ZNF365: variants seen among roughly 807,000 people sequenced by gnomAD.
ZNF365 encodes the protein zinc finger protein 365, also known as protein ZNF365.
A neutral mutation model predicts 35.0 loss-of-function variants in ZNF365; 22 were observed. The ratio of observed to expected loss-of-function variants is 0.63; its 90% CI spans 0.45 to 0.90. The LOEUF (loss-of-function observed/expected upper bound fraction) is 0.90. ZNF365 is among the 40% of genes least tolerant of loss of function. The pLI, the probability that ZNF365 is intolerant of heterozygous loss-of-function variation, is 0.00. For missense variants in ZNF365, 448 were observed against 500.3 expected, an observed-to-expected ratio of 0.90 and a Z score of 1.00; for synonymous variants, 188 against 196.2, an observed-to-expected ratio of 0.96 and a Z score of 0.35.
downstream of ZNF365, among the ~76,000 whole-genome samples, chr10:62,403,485 C>T (rs542309664): frequency 1.3e-5 from 2 of 152,078 alleles, no homozygotes; most frequent in African/African-American, 2.4e-5. Context: ...GGTGAAACCC[C>T]GTCTCTACTA....
chr10:62,456,368 C>T (rs1224528370), intron 3 of ZNF365, among the ~76,000 whole-genome samples: 2 of 152,124 alleles, frequency 1.3e-5, no homozygotes, highest in Admixed American at 6.5e-5. Flanking sequence ...TCTTGATTTA[C>T]TGAATTGAAC....
At chr10:62,386,364 T>G (rs1380227084) in intron 2 of ZNF365, among the ~76,000 whole-genome samples, 2 of 152,230 alleles carry the variant, frequency 1.3e-5, no homozygotes, top group Non-Finnish European at 2.9e-5. Context: ...AAAAAAATTC[T>G]TTTCCAGAAG....
Position 62,400,029 on chromosome 10 carries a change from T to C in ZNF365, c.*240T>C. ...TTACAGAAAGAATAAAAAAATTAAA[T>C]CAATCTTAAAGCTCTAACTTCTAAA... On this transcript the variant is annotated 3_prime_UTR_variant, in exon 5 of 5. Coordinates refer to ENST00000395254, the MANE Select transcript of ZNF365 (RefSeq NM_014951.3). 7.7e-7 allele frequency: 1 copy of C among 1,292,490 alleles called. No individual in the cohort carries two copies. The highest frequency in any genetic ancestry group is 9.8e-7 in the Non-Finnish European group (1 of 1,020,764). The allele number at this position is 1,292,490 out of a possible 1,614,324, so 80.1% of individuals were successfully genotyped here.
In ZNF365 at chr10:62,433,794, A is replaced by G. The variant is rs867199790; in HGVS notation, c.925-25947A>G. On this transcript the variant is annotated intron_variant, in intron 3 of 4. Coordinates refer to the ZNF365 transcript ENST00000395255. ...AAGGAAATATTGAAATAAGTCAGCT[A>G]ACATTTTCATTTGGAAATACAGAGG... Among the ~76,000 whole-genome samples the G allele has an allele frequency of 3.3e-5, 5 of 152,216 alleles. No homozygotes were observed. In the South Asian group the frequency reaches 1.0e-3, roughly 31 times the overall value.
At chr10:62,441,097 T>C (rs1383565072) in intron 3 of ZNF365, among the ~76,000 whole-genome samples, 1 of 152,212 alleles carries the variant, frequency 6.6e-6, no homozygotes, top group African/African-American at 2.4e-5. Context: ...ATTGTTTGGT[T>C]GAATCCCCAT....
chr10:62,458,533 T>G (rs1279645311), intron 3 of ZNF365, among the ~76,000 whole-genome samples: 3 of 152,194 alleles, frequency 2.0e-5, no homozygotes, highest in Non-Finnish European at 4.4e-5. Context: ...TATAAATGTG[T>G]GTGTATGTGG....
At chr10:62,389,979 C>G (rs919836847) in intron 3 of ZNF365, among the ~76,000 whole-genome samples, 1 of 152,094 alleles carries the variant, frequency 6.6e-6, no homozygotes, top group African/African-American at 2.4e-5. Context: ...AAACCATGAG[C>G]GTGTCCAGCC....
At chr10:62,427,307 G>T (rs1450354151) in intron 3 of ZNF365, among the ~76,000 whole-genome samples, 1 of 152,110 alleles carries the variant, frequency 6.6e-6, no homozygotes, top group Admixed American at 6.6e-5. Flanking sequence ...AGTATGTTTA[G>T]ATACACAAAT....
chr10:62,449,785 A>G (rs991722543), intron 3 of ZNF365, among the ~76,000 whole-genome samples: 3 of 149,328 alleles, frequency 2.0e-5, no homozygotes, highest in African/African-American at 4.9e-5. Context: ...CAGTTGGTCA[A>G]CTTTTTTGCA....
At chr10:62,403,196 C>T (rs1839856512), downstream of ZNF365, among the ~76,000 whole-genome samples, 1 of 151,994 alleles carries the variant, frequency 6.6e-6, no homozygotes, top group African/African-American at 2.4e-5. Flanking sequence ...GAGAAAAGGA[C>T]ATGTTAGTAA....
intron 3 of ZNF365, among the ~76,000 whole-genome samples, chr10:62,428,496 A>G (rs1470300245): frequency 6.6e-6 from 1 of 152,080 alleles, no homozygotes; most frequent in East Asian, 1.9e-4. Flanking sequence ...GTGAAGAAGG[A>G]TGTGTTTGCT....
intron 3 of ZNF365, among the ~76,000 whole-genome samples, chr10:62,439,564 C>A (rs897130150): frequency 2.0e-5 from 3 of 152,102 alleles, no homozygotes; most frequent in African/African-American, 7.2e-5. Context: ...TATGTGCAAG[C>A]CCTCTAATAG....
In ZNF365 at chr10:62,468,558, G is replaced by A. The variant is rs185551999; in HGVS notation, c.981+8761G>A. The stretch of plus-strand genomic sequence containing the variant: ...AAACATCAAATTTAGGGTGAAGCTG[G>A]GGTTGAAGAATGGTGAAATCACTGA... On this transcript the variant is annotated intron_variant, in intron 4 of 4. Transcript: ENST00000395255. Among the ~76,000 whole-genome samples, 4 of 152,236 alleles carry A rather than the reference G, an allele frequency of 2.6e-5. No individual in the cohort carries two copies. The East Asian group carries it at 5.8e-4, about 22-fold the overall frequency.
chr10:62,389,962 C>T (rs964380128), intron 3 of ZNF365, among the ~76,000 whole-genome samples: 1 of 152,104 alleles, frequency 6.6e-6, no homozygotes, highest in Non-Finnish European at 1.5e-5. Flanking sequence ...TCCATCTCCT[C>T]CTTGGGAAAC....
At chr10:62,421,434 C>T (rs1221807555) in intron 3 of ZNF365, among the ~76,000 whole-genome samples, 2 of 152,138 alleles carry the variant, frequency 1.3e-5, no homozygotes, top group African/African-American at 2.4e-5. Context: ...TTCCTCAGGA[C>T]CATGAATCCT....
chr10:62,425,882 C>G (rs987168920), intron 3 of ZNF365, among the ~76,000 whole-genome samples: 5 of 152,078 alleles, frequency 3.3e-5, no homozygotes, highest in Non-Finnish European at 5.9e-5. Flanking sequence ...AGACCCATAC[C>G]TGGCATATAG....
Position 62,376,280 on chromosome 10 carries a change from G to A in ZNF365, c.87G>A (p.Pro29=), listed in dbSNP as rs1158105982. 1.3e-5 allele frequency: 21 copies of A among 1,614,014 alleles called. No homozygotes were observed. The highest frequency in any genetic ancestry group is 1.7e-5 in the Admixed American group (1 of 59,998). ...CTGTGTGCCTGCCATTACGCTGCCCGAGGTGTGGAGACCATACCAGATTTA... is the reference window on the plus strand; with the variant it reads ...CTGTGTGCCTGCCATTACGCTGCCCAAGGTGTGGAGACCATACCAGATTTA... ...NVAVCLPLRC[P]RCGDHTRFRS... The change falls in exon 2 of 5, where the codon CCG becomes CCA. Residue 29 remains proline (P), a synonymous_variant. Transcript: ENST00000395254.
chr10:62,409,536 T>G (rs1839954916), intron 3 of ZNF365, among the ~76,000 whole-genome samples: 1 of 152,152 alleles, frequency 6.6e-6, no homozygotes, highest in African/African-American at 2.4e-5. Flanking sequence ...CTGTAGTGCA[T>G]TCCAGTTGGG....
chr10:62,477,083 A>T (rs1841144925), intron 4 of ZNF365, among the ~76,000 whole-genome samples: 2 of 152,224 alleles, frequency 1.3e-5, no homozygotes, highest in African/African-American at 2.4e-5. Context: ...GGGGGATTAA[A>T]AAGTGGAGCC....
Sources: gnomAD v4.1 joint callset for allele counts (sites outside exome capture counted in the v4.1 genomes callset) on GRCh38, gnomAD v4.1.1 for gene constraint, MANE v1.5 for transcripts, NCBI Gene and HGNC (gene_info 2026-07-23, HGNC 2026-07-21) for gene names.